DCC: variants seen among roughly 807,000 people sequenced by gnomAD.
The protein encoded by DCC is DCC netrin 1 receptor, also known as netrin receptor DCC.
In DCC, 58 loss-of-function variants were observed where a neutral mutation model predicts 172.5. The observed-to-expected ratio is 0.34, with a 90% CI of 0.27 to 0.42. DCC has a LOEUF of 0.42. Ranked by LOEUF, DCC falls within the 10% of genes least tolerant of loss-of-function variation. The pLI, the probability that DCC is intolerant of heterozygous loss-of-function variation, is 1.00. For synonymous variants in DCC, 709 were observed against 644.5 expected, an observed-to-expected ratio of 1.10 and a Z score of -1.52; for missense variants, 1,740 against 1,791.0, an observed-to-expected ratio of 0.97 and a Z score of 0.51.
chr18:52,832,573 A>T (rs554314463), intron 2 of DCC, among the ~76,000 whole-genome samples: 2 of 152,150 alleles, frequency 1.3e-5, no homozygotes, highest in Non-Finnish European at 2.9e-5. Flanking sequence ...ATAGCTTAAC[A>T]CAATTTCTTT....
intron 1 of DCC, among the ~76,000 whole-genome samples, chr18:52,504,043 G>T (rs2031130920): frequency 6.6e-6 from 1 of 152,074 alleles, no homozygotes; most frequent in Admixed American, 6.6e-5. Flanking sequence ...CTGCCAGTAA[G>T]ATCCCACCAC....
At chr18:52,564,085 T>C (rs568771425) in intron 1 of DCC, among the ~76,000 whole-genome samples, 9 of 152,314 alleles carry the variant, frequency 5.9e-5, no homozygotes, top group African/African-American at 1.9e-4. Context: ...TCTATGTTTC[T>C]TGTGACCTGC....
chr18:52,669,073 T>C (rs2035505986), intron 1 of DCC, among the ~76,000 whole-genome samples: 1 of 152,150 alleles, frequency 6.6e-6, no homozygotes, highest in African/African-American at 2.4e-5. Flanking sequence ...TTTTTAAGGA[T>C]GACTTGGTGG....
intron 1 of DCC, among the ~76,000 whole-genome samples, chr18:52,415,500 A>G (rs947688081): frequency 2.6e-5 from 4 of 152,178 alleles, no homozygotes; most frequent in Non-Finnish European, 5.9e-5. Flanking sequence ...TGCCATGATG[A>G]AGGTGGCAGG....
chr18:53,380,709 A>AGT (rs1907657145), intron 15 of DCC, among the ~76,000 whole-genome samples: 6 of 152,168 alleles, frequency 3.9e-5, no homozygotes, highest in Admixed American at 3.9e-4. Flanking sequence ...ACTTTAGAAA[A>AGT]ACCATTGACC....
chr18:52,775,846 A>C (rs1335530343), intron 2 of DCC, among the ~76,000 whole-genome samples: 1 of 152,184 alleles, frequency 6.6e-6, no homozygotes, highest in African/African-American at 2.4e-5. Flanking sequence ...TGAAAGTAGG[A>C]GTGCTCATGC....
At chr18:52,887,525 A>G (rs1477094723) in intron 2 of DCC, among the ~76,000 whole-genome samples, 2 of 152,144 alleles carry the variant, frequency 1.3e-5, no homozygotes, top group African/African-American at 4.8e-5. Flanking sequence ...TTATTTTTAG[A>G]TCTTGTCCAC....
chr18:53,439,506 A>G (rs1324948901), intron 22 of DCC, among the ~76,000 whole-genome samples: 2 of 152,194 alleles, frequency 1.3e-5, no homozygotes, highest in Non-Finnish European at 2.9e-5. Flanking sequence ...AAGCATTGTA[A>G]TAGAATAATG....
chr18:52,376,774 T>A (rs1228445065), intron 1 of DCC, among the ~76,000 whole-genome samples: 1 of 152,200 alleles, frequency 6.6e-6, no homozygotes, highest in Non-Finnish European at 1.5e-5. Context: ...ACTTAGCACA[T>A]GCTTTGAATA....
At chr18:52,976,017 C>A (rs760125755) in intron 5 of DCC, among the ~76,000 whole-genome samples, 1 of 152,050 alleles carries the variant, frequency 6.6e-6, no homozygotes, top group Non-Finnish European at 1.5e-5. Context: ...CTTGCCAGCT[C>A]CTGTTATTTT....
chr18:53,206,068 A>G (rs549176323), intron 10 of DCC, among the ~76,000 whole-genome samples: 285 of 125,594 alleles, frequency 2.3e-3, no homozygotes, highest in Non-Finnish European at 3.2e-3. Flanking sequence ...TATATAATAC[A>G]TATATATTAC....
chr18:52,636,759 C>T (rs2034788260), intron 1 of DCC, among the ~76,000 whole-genome samples: 1 of 152,178 alleles, frequency 6.6e-6, no homozygotes, highest in Non-Finnish European at 1.5e-5. Flanking sequence ...AGACAAAGGG[C>T]ATATAATCTT....
At chr18:53,112,493 C>T (rs959757485) in intron 7 of DCC, among the ~76,000 whole-genome samples, 2 of 151,344 alleles carry the variant, frequency 1.3e-5, no homozygotes, top group East Asian at 2.0e-4. Flanking sequence ...CCCAGATCTG[C>T]CTTTATTAAG....
intron 11 of DCC, among the ~76,000 whole-genome samples, chr18:53,208,321 A>G (rs1225273308): frequency 6.6e-6 from 1 of 151,746 alleles, no homozygotes; most frequent in East Asian, 1.9e-4. Flanking sequence ...ATATGTATAT[A>G]CTCTTGAGTC....
chr18:53,365,547 T>C (rs953191239), intron 15 of DCC, among the ~76,000 whole-genome samples: 1 of 152,118 alleles, frequency 6.6e-6, no homozygotes, highest in African/African-American at 2.4e-5. Context: ...TTACCAAATT[T>C]AATGGTTTTG....
At chr18:53,244,991 G>A (rs1428875035) in intron 12 of DCC, among the ~76,000 whole-genome samples, 1 of 152,078 alleles carries the variant, frequency 6.6e-6, no homozygotes. Context: ...ATTAGCATCA[G>A]TGGTGGCTTA....
intron 1 of DCC, among the ~76,000 whole-genome samples, chr18:52,674,972 T>C (rs1189394414): frequency 6.6e-6 from 1 of 152,228 alleles, no homozygotes; most frequent in Non-Finnish European, 1.5e-5. Context: ...ACCTGGAGGC[T>C]GCTTCTGCAT....
At chr18:52,458,219 C>T (rs760578872) in intron 1 of DCC, among the ~76,000 whole-genome samples, 3 of 152,148 alleles carry the variant, frequency 2.0e-5, no homozygotes, top group Admixed American at 6.5e-5. Context: ...CCCAGTCACA[C>T]GGCTGCAGGG....
intron 2 of DCC, among the ~76,000 whole-genome samples, chr18:52,850,489 AG>A (rs1219733446): frequency 6.6e-6 from 1 of 152,140 alleles, no homozygotes; most frequent in Non-Finnish European, 1.5e-5. Flanking sequence ...CTGCTTGTAC[AG>A]TAAAGTTCTG....
Sources: allele counts gnomAD v4.1 joint callset (sites outside exome capture counted in the v4.1 genomes callset), GRCh38; gene constraint gnomAD v4.1.1; transcripts MANE v1.5; gene names NCBI Gene and HGNC (gene_info 2026-07-23, HGNC 2026-07-21).